HCAR1: variants seen among roughly 807,000 people sequenced by gnomAD.
The protein encoded by HCAR1 is hydroxycarboxylic acid receptor 1.
For synonymous variants in HCAR1, 183 were observed against 182.1 expected (o/e 1.01, Z -0.04); for missense variants, 445 against 448.7 (o/e 0.99, Z 0.07).
In HCAR1 at chr12:122,730,367, C is replaced by T. The variant is rs1191169220; in HGVS notation, c.-28G>A. 6.6e-7 allele frequency: 1 copy of T among 1,518,820 alleles called. No individual in the cohort carries two copies. The highest frequency in any genetic ancestry group is 2.1e-5 in the Admixed American group (1 of 47,810). 94.1% of individuals were successfully genotyped at this position (1,518,820 alleles called of 1,614,324 possible). ...CGGGGACAGAGCAAGTGTCCGGGTG[C>T]AGAGCAGCCCAGGGAGTCCCCACAA... On this transcript the variant is annotated 5_prime_UTR_variant, in exon 1 of 1. Transcript: ENST00000432564.
chr12:122,730,396 C>T lies in HCAR1; in HGVS notation c.-57G>A. ...GCAGCCCAGGGAGTCCCCACAATGG[C>T]ACAGATGCTTATCTGAGCGTTAGCA... On this transcript the variant is annotated 5_prime_UTR_variant, in exon 1 of 1. Transcript: ENST00000432564. 1.5e-6 allele frequency: 2 copies of T among 1,359,726 alleles called. No individual in the cohort carries two copies. Among genetic ancestry groups the T allele is most frequent in the South Asian group, 2.9e-5 (2 of 69,154 alleles). 84.2% of individuals were successfully genotyped at this position (1,359,726 alleles called of 1,614,324 possible).
In HCAR1 at chr12:122,729,514, G is replaced by C. The variant is rs781107808; in HGVS notation, c.826C>G (p.Leu276Val). Residue 276 changes from leucine to valine, a missense_variant, in exon 1 of 1, where the codon CTG becomes GTG. Physicochemically the swap from Leu to Val is conservative, Grantham distance 32 (BLOSUM62 1). Coordinates refer to ENST00000432564, the MANE Select transcript of HCAR1 (RefSeq NM_032554.4). Reference protein sequence around the residue: ...FTYMNSMLDPLVYYFSSPSFP... With the variant: ...FTYMNSMLDPVVYYFSSPSFP... Reference sequence around the variant, plus strand: ...GAGGGGCTTGAAAAATAATACACCAGGGGATCCAGCATGCTGTTCATGTAG... The same window carrying C: ...GAGGGGCTTGAAAAATAATACACCACGGGATCCAGCATGCTGTTCATGTAG... The C allele has an allele frequency of 6.9e-5, 111 of 1,614,094 alleles. No individual in the cohort carries two copies. The highest frequency in any genetic ancestry group is 1.2e-4 in the Admixed American group (7 of 60,008).
rs1316320235 is a variant in HCAR1, at chr12:122,729,900, G to A, written c.440C>T (p.Thr147Ile). The change falls in exon 1 of 1, where the codon ACA becomes ATA. Residue 147 changes from threonine to isoleucine, a missense_variant. Coordinates refer to ENST00000432564, the MANE Select transcript of HCAR1 (RefSeq NM_032554.4). ...ATGGTTCTCCAGCAAAAGATACACT[G>A]TTCCCAGGATGACCAGGGCCCACAG... ...CTLWALVILG[T>I]VYLLLENHLC... 6.2e-7 allele frequency: 1 copy of A among 1,612,222 alleles called. No homozygotes were observed. Among genetic ancestry groups the A allele is most frequent in the Non-Finnish European group, 8.5e-7 (1 of 1,178,814 alleles).
chr12:122,727,559 C>T lies in HCAR1; in HGVS notation c.*1740G>A, dbSNP rs1210167448. 2 of 152,146 alleles carry T rather than the reference C, an allele frequency of 1.3e-5. No individual in the cohort carries two copies. The highest frequency in any genetic ancestry group is 4.8e-5 in the African/African-American group (2 of 41,404). The allele number at this position is 152,146 out of a possible 1,614,324, so 9.4% of individuals were successfully genotyped here. A position where few individuals can be genotyped will look rare whatever the true frequency, so the allele number is the denominator to read the frequency against. On this transcript the variant is annotated 3_prime_UTR_variant, in exon 1 of 1. Transcript: ENST00000432564. ...GTCACCTCACCGCAACCTCCACCTC[C>T]TCGGTTCAAGTGATTCTCCTGCCTC...
In HCAR1 at chr12:122,726,483, G is replaced by A. The variant is rs1877792992; in HGVS notation, c.*2816C>T. The A allele has an allele frequency of 6.6e-6, 1 of 152,010 alleles. No individual in the cohort carries two copies. Among genetic ancestry groups the A allele is most frequent in the Middle Eastern group, 3.2e-3 (1 of 316 alleles). The allele number at this position is 152,010 out of a possible 1,614,324, so 9.4% of individuals were successfully genotyped here. ...TGTGCAGGTCCTCTTCTAGGCATTGGGTATATAACAGTGAACAAAGTTCTG... is the reference window on the plus strand; with the variant it reads ...TGTGCAGGTCCTCTTCTAGGCATTGAGTATATAACAGTGAACAAAGTTCTG... On this transcript the variant is annotated 3_prime_UTR_variant, in exon 1 of 1. Coordinates refer to ENST00000432564, the MANE Select transcript of HCAR1 (RefSeq NM_032554.4).
In HCAR1 at chr12:122,726,932, T is replaced by TAG. The variant is rs1329701804; in HGVS notation, c.*2366_*2367insCT. 2.5e-5 allele frequency: 3 copies of TAG among 122,296 alleles called. No homozygotes were observed. Among genetic ancestry groups the TAG allele is most frequent in the African/African-American group, 1.1e-4 (3 of 28,080 alleles). 7.6% of individuals were successfully genotyped at this position (122,296 alleles called of 1,614,324 possible). ...TGTCTCAAAAAAAAAAAAAAAAATATATATATATATAGATAGATAGATATC... is the reference window on the plus strand; with the variant it reads ...TGTCTCAAAAAAAAAAAAAAAAATATAGATATATATATAGATAGATAGATATC... On this transcript the variant is annotated 3_prime_UTR_variant, in exon 1 of 1. Coordinates refer to ENST00000432564, the MANE Select transcript of HCAR1 (RefSeq NM_032554.4).
rs965824530 is a variant in HCAR1, at chr12:122,727,946, G to C, written c.*1353C>G. The stretch of plus-strand genomic sequence containing the variant: ...GTCATTTCGTAGAGTCCTCTGTTTC[G>C]AGGGGTCCAGGTACACATTTGGGAA... On this transcript the variant is annotated 3_prime_UTR_variant, in exon 1 of 1. Transcript: ENST00000432564. 4 of 152,244 alleles carry C rather than the reference G, an allele frequency of 2.6e-5. No individual in the cohort carries two copies. The highest frequency in any genetic ancestry group is 9.6e-5 in the African/African-American group (4 of 41,526). 9.4% of individuals were successfully genotyped at this position (152,244 alleles called of 1,614,324 possible). A position where few individuals can be genotyped will look rare whatever the true frequency, so the allele number is the denominator to read the frequency against.
rs1877839328 is a variant in HCAR1 at position 122,728,099 on chromosome 12, C to T, written c.*1200G>A. 1 of 151,964 alleles carries T rather than the reference C, an allele frequency of 6.6e-6. No individual in the cohort carries two copies. The highest frequency in any genetic ancestry group is 2.4e-5 in the African/African-American group (1 of 41,364). 9.4% of individuals were successfully genotyped at this position (151,964 alleles called of 1,614,324 possible). A position where few individuals can be genotyped will look rare whatever the true frequency, so the allele number is the denominator to read the frequency against. ...TCTCTGTCCCCACCCCCCCAAAAAA[C>T]TTTACTGTCACATAAGAGTTGACTA... On this transcript the variant is annotated 3_prime_UTR_variant, in exon 1 of 1. Transcript: ENST00000432564.
chr12:122,729,986 G>C lies in HCAR1; in HGVS notation c.354C>G (p.Val118=), dbSNP rs751518583. ...TAGTGTTCACCGCGTGGTGGGGGTG[G>C]ACCACTTTGAAATACCTGTCCGCAG... ...VVAADRYFKV[V]HPHHAVNTIS... is the part of the protein sequence containing the mutation. Residue 118 remains valine (V), a synonymous_variant, in exon 1 of 1, where the codon GTC becomes GTG. Transcript: ENST00000432564. The C allele has an allele frequency of 6.2e-7, 1 of 1,613,806 alleles. No homozygotes were observed. Among genetic ancestry groups the C allele is most frequent in the Non-Finnish European group, 8.5e-7 (1 of 1,180,022 alleles).
In HCAR1 at chr12:122,729,211, G is replaced by A. The variant is rs1877867033; in HGVS notation, c.*88C>T. The A allele has an allele frequency of 3.4e-6, 4 of 1,169,222 alleles. No individual in the cohort carries two copies. The allele number at this position is 1,169,222 out of a possible 1,614,324, so 72.4% of individuals were successfully genotyped here. ...GAAGCCGTCTTGCAATAAGAAAGGGGGGTGGCATTTTCAAAGCCCCCGACC... is the reference window on the plus strand; with the variant it reads ...GAAGCCGTCTTGCAATAAGAAAGGGAGGTGGCATTTTCAAAGCCCCCGACC... On this transcript the variant is annotated 3_prime_UTR_variant, in exon 1 of 1. Coordinates refer to ENST00000432564, the MANE Select transcript of HCAR1 (RefSeq NM_032554.4).
rs1340389668 is a variant in HCAR1, at chr12:122,729,425, T to A, written c.915A>T (p.Ser305=). 6.2e-7 allele frequency: 1 copy of A among 1,614,164 alleles called. No individual in the cohort carries two copies. Among genetic ancestry groups the A allele is most frequent in the East Asian group, 2.2e-5 (1 of 44,888 alleles). The change falls in exon 1 of 1, where the codon TCA becomes TCT. Residue 305 remains serine, a synonymous_variant. Transcript: ENST00000432564. ...CSLKPKQPGH[S]KTQRPEEMPI... is the part of the protein sequence containing the mutation. ...GCATCTCTTCCGGCCTTTGTGTTTT[T>A]GAGTGTCCTGGCTGCTTGGGTTTCA...
In HCAR1 at chr12:122,729,894, T is replaced by C. The variant is rs1230385064; in HGVS notation, c.446A>G (p.Tyr149Cys). 6.2e-7 allele frequency: 1 copy of C among 1,611,956 alleles called. No individual in the cohort carries two copies. Among genetic ancestry groups the C allele is most frequent in the Non-Finnish European group, 8.5e-7 (1 of 1,178,532 alleles). ...GCAGAGATGGTTCTCCAGCAAAAGATACACTGTTCCCAGGATGACCAGGGC... is the reference window on the plus strand; with the variant it reads ...GCAGAGATGGTTCTCCAGCAAAAGACACACTGTTCCCAGGATGACCAGGGC... ...LWALVILGTV[Y>C]LLLENHLCVQ... The change falls in exon 1 of 1, where the codon TAT (tyrosine) becomes TGT (cysteine). Residue 149 changes from tyrosine (Y) to cysteine (C), a missense_variant. Transcript: ENST00000432564.
In HCAR1 at chr12:122,730,244, G is replaced by T. The variant is rs757838860; in HGVS notation, c.96C>A (p.Gly32=). Residue 32 remains glycine (G), a synonymous_variant, in exon 1 of 1, where the codon GGC becomes GGA. Coordinates refer to ENST00000432564, the MANE Select transcript of HCAR1 (RefSeq NM_032554.4). ...AGAAACCACACAGGGCGACCCCATT[G>T]CCTAGTGCGCCCAGCACAAAGGCCA... ...LIVAFVLGAL[G]NGVALCGFCF... 1.2e-6 allele frequency: 2 copies of T among 1,613,750 alleles called. No individual in the cohort carries two copies. The highest frequency in any genetic ancestry group is 3.3e-5 in the Admixed American group (2 of 59,968).
rs965885341 is a variant in HCAR1, at chr12:122,729,406, C to T, written c.934G>A (p.Glu312Lys). Residue 312 changes from glutamate (E) to lysine (K), a missense_variant, in exon 1 of 1, where the codon GAG becomes AAG. Coordinates refer to ENST00000432564, the MANE Select transcript of HCAR1 (RefSeq NM_032554.4). ...PGHSKTQRPEEMPISNLGRRS... is the reference protein window; with the variant it reads ...PGHSKTQRPEKMPISNLGRRS... The stretch of plus-strand genomic sequence containing the variant: ...CGACCGAGGTTCGAAATTGGCATCT[C>T]TTCCGGCCTTTGTGTTTTTGAGTGT... The T allele has an allele frequency of 1.2e-6, 2 of 1,614,172 alleles. No individual in the cohort carries two copies. Among genetic ancestry groups the T allele is most frequent in the African/African-American group, 2.7e-5 (2 of 75,040 alleles).
In HCAR1 at chr12:122,730,398, C is replaced by T; in HGVS notation, c.-59G>A. 6.7e-6 allele frequency: 9 copies of T among 1,348,744 alleles called. No individual in the cohort carries two copies. Among genetic ancestry groups the T allele is most frequent in the Non-Finnish European group, 8.1e-6 (8 of 993,052 alleles). The allele number at this position is 1,348,744 out of a possible 1,614,324, so 83.5% of individuals were successfully genotyped here. ...AGCCCAGGGAGTCCCCACAATGGCA[C>T]AGATGCTTATCTGAGCGTTAGCACT... On this transcript the variant is annotated 5_prime_UTR_variant, in exon 1 of 1. It adds an upstream start codon to the 5' untranslated region. Transcript: ENST00000432564.
Position 122,729,747 on chromosome 12 carries a change from T to G in HCAR1, c.593A>C (p.Lys198Thr). ...PLGIILFCSF[K>T]IVWSLRRRQQ... ...CCTCCGCCTCAGGCTCCAAACAATC[T>G]TGAAGGAGCAAAATAAGATGATGCC... The change falls in exon 1 of 1, where the codon AAG (lysine) becomes ACG (threonine). Residue 198 changes from lysine (K) to threonine (T), a missense_variant. Lys to Thr is a moderately conservative substitution (Grantham distance 78). Coordinates refer to ENST00000432564, the MANE Select transcript of HCAR1 (RefSeq NM_032554.4). The G allele has an allele frequency of 6.2e-7, 1 of 1,613,090 alleles. No individual in the cohort carries two copies. Among genetic ancestry groups the G allele is most frequent in the Non-Finnish European group, 8.5e-7 (1 of 1,180,018 alleles).
At position 122,726,303 on chromosome 12, in the gene HCAR1, C is replaced by G. The variant is rs547725619; in HGVS notation, c.*2996G>C. 2 of 152,312 alleles carry G rather than the reference C, an allele frequency of 1.3e-5. No homozygotes were observed. Among genetic ancestry groups the G allele is most frequent in the African/African-American group, 4.8e-5 (2 of 41,564 alleles). 9.4% of individuals were successfully genotyped at this position (152,312 alleles called of 1,614,324 possible). A position where few individuals can be genotyped will look rare whatever the true frequency, so the allele number is the denominator to read the frequency against. Reference sequence around the variant, plus strand: ...AGAGGAACAACTTAAGCGCTCTAAACCCCAAAGGAAATGCTTTCTTGCCTC... The same window carrying G: ...AGAGGAACAACTTAAGCGCTCTAAAGCCCAAAGGAAATGCTTTCTTGCCTC... On this transcript the variant is annotated 3_prime_UTR_variant, in exon 1 of 1. Coordinates refer to ENST00000432564, the MANE Select transcript of HCAR1 (RefSeq NM_032554.4).
rs1350251801 is a variant in HCAR1, at chr12:122,728,048, C to G, written c.*1251G>C. On this transcript the variant is annotated 3_prime_UTR_variant, in exon 1 of 1. Coordinates refer to ENST00000432564, the MANE Select transcript of HCAR1 (RefSeq NM_032554.4). Reference sequence around the variant, plus strand: ...ACAGAATCGGTCTAGAAACTGTATTCCGTGAAAGGATGAAAGCTCTTAACT... The same window carrying G: ...ACAGAATCGGTCTAGAAACTGTATTGCGTGAAAGGATGAAAGCTCTTAACT... 6.6e-6 allele frequency: 1 copy of G among 152,136 alleles called. No homozygotes were observed. The highest frequency in any genetic ancestry group is 1.5e-5 in the Non-Finnish European group (1 of 68,034). 9.4% of individuals were successfully genotyped at this position (152,136 alleles called of 1,614,324 possible).
In HCAR1 at chr12:122,726,677, G is replaced by A. The variant is rs1329451783; in HGVS notation, c.*2622C>T. The stretch of plus-strand genomic sequence containing the variant: ...ACCTGTAATCCAAGCACTTTGGGAG[G>A]CCGAGGCAGGCGGATCACAAGTCAG... On this transcript the variant is annotated 3_prime_UTR_variant, in exon 1 of 1. Coordinates refer to ENST00000432564, the MANE Select transcript of HCAR1 (RefSeq NM_032554.4). 1 of 152,060 alleles carries A rather than the reference G, an allele frequency of 6.6e-6. No individual in the cohort carries two copies. Among genetic ancestry groups the A allele is most frequent in the Admixed American group, 6.6e-5 (1 of 15,260 alleles). 9.4% of individuals were successfully genotyped at this position (152,060 alleles called of 1,614,324 possible).
Sources: allele counts gnomAD v4.1 joint callset, GRCh38; gene constraint gnomAD v4.1.1; transcripts MANE v1.5; gene names NCBI Gene and HGNC (gene_info 2026-07-23, HGNC 2026-07-21).